Variants in ASIC2 observed in about 807,000 individuals in gnomAD.
ASIC2 encodes acid sensing ion channel subunit 2, also known as acid-sensing ion channel 2.
ASIC2 carries 25 observed loss-of-function variants against 57.3 expected under a neutral mutation model. The ratio of observed to expected loss-of-function variants is 0.44; its 90% CI spans 0.32 to 0.61. The LOEUF (loss-of-function observed/expected upper bound fraction) is 0.61, where lower values mean the gene tolerates loss of function less well. ASIC2 is among the 20% of genes least tolerant of loss of function. The pLI is 0.06. For synonymous variants in ASIC2, 319 were observed against 307.5 expected (o/e 1.04, Z -0.39); for missense variants, 641 against 738.1 (o/e 0.87, Z 1.52).
intron 1 of ASIC2, among the ~76,000 whole-genome samples, chr17:33,995,297 G>A (rs1172207525): frequency 6.6e-6 from 1 of 152,116 alleles, no homozygotes; most frequent in Non-Finnish European, 1.5e-5. Flanking sequence ...CCCTTTTCCT[G>A]TCCTCAACAC....
chr17:33,223,732 G>A (rs1015359160), intron 1 of ASIC2, among the ~76,000 whole-genome samples: 9 of 152,182 alleles, frequency 5.9e-5, no homozygotes, highest in Non-Finnish European at 1.3e-4. Flanking sequence ...CCACCATTAC[G>A]GCTCTCTTAG....
chr17:33,029,898 T>G (rs778762102), intron 3 of ASIC2, among the ~76,000 whole-genome samples: 3 of 152,240 alleles, frequency 2.0e-5, no homozygotes, highest in Non-Finnish European at 4.4e-5. Context: ...CAATTTTATG[T>G]GTTTGTTGGT....
chr17:33,588,870 T>A (rs980182034), intron 1 of ASIC2, among the ~76,000 whole-genome samples: 1 of 152,214 alleles, frequency 6.6e-6, no homozygotes, highest in Non-Finnish European at 1.5e-5. Flanking sequence ...GTTAGTAAAC[T>A]GTGTATCATT....
At chr17:33,188,380 GGA>G (rs1906284732) in intron 1 of ASIC2, among the ~76,000 whole-genome samples, 1 of 151,868 alleles carries the variant, frequency 6.6e-6, no homozygotes, top group Non-Finnish European at 1.5e-5. Flanking sequence ...AGAAGGGAAG[GGA>G]GAGAAAAATA....
intron 1 of ASIC2, among the ~76,000 whole-genome samples, chr17:33,136,833 A>C (rs1042110492): frequency 6.6e-6 from 1 of 152,198 alleles, no homozygotes; most frequent in African/African-American, 2.4e-5. Context: ...CATGGATTCT[A>C]TTCCCAGTCC....
At chr17:33,894,366 T>A (rs879398137) in intron 1 of ASIC2, among the ~76,000 whole-genome samples, 3 of 151,000 alleles carry the variant, frequency 2.0e-5, no homozygotes, top group Non-Finnish European at 4.4e-5. Flanking sequence ...TGTGTGTGTG[T>A]GTGTGTGTGT....
intron 1 of ASIC2, among the ~76,000 whole-genome samples, chr17:33,510,442 T>C (rs1914396616): frequency 6.6e-6 from 1 of 151,930 alleles, no homozygotes; most frequent in Non-Finnish European, 1.5e-5. Context: ...GGCTTGAGAA[T>C]AGGAGTTTGA....
At chr17:33,055,105 A>T (rs372843483) in intron 3 of ASIC2, among the ~76,000 whole-genome samples, 1 of 152,198 alleles carries the variant, frequency 6.6e-6, no homozygotes, top group Non-Finnish European at 1.5e-5. Flanking sequence ...AATGCAGGAC[A>T]GTCTGTTGTA....
chr17:34,065,182 A>C (rs764072721), intron 1 of ASIC2, among the ~76,000 whole-genome samples: 7 of 152,230 alleles, frequency 4.6e-5, no homozygotes. Context: ...TATGTGATGG[A>C]ATAGTACTCA....
At chr17:33,281,972 T>C (rs1403738833) in intron 1 of ASIC2, among the ~76,000 whole-genome samples, 1 of 152,232 alleles carries the variant, frequency 6.6e-6, no homozygotes, top group Middle Eastern at 3.2e-3. Flanking sequence ...AAATTCCCAA[T>C]CTTGCATTAT....
chr17:33,604,642 AG>A (rs1307505257), intron 1 of ASIC2, among the ~76,000 whole-genome samples: 1 of 152,036 alleles, frequency 6.6e-6, no homozygotes, highest in Non-Finnish European at 1.5e-5. Context: ...GAAAGAGGCG[AG>A]GGGGTTAGAT....
At chr17:33,562,123 A>G (rs1916090961) in intron 1 of ASIC2, among the ~76,000 whole-genome samples, 1 of 152,228 alleles carries the variant, frequency 6.6e-6, no homozygotes, top group African/African-American at 2.4e-5. Flanking sequence ...ACTCAGCTCA[A>G]AGGCCGCTTC....
intron 1 of ASIC2, among the ~76,000 whole-genome samples, chr17:33,472,336 A>G (rs1913082055): frequency 6.6e-6 from 1 of 152,086 alleles, no homozygotes; most frequent in Non-Finnish European, 1.5e-5. Context: ...GGGACTTTTT[A>G]ACAGGGATTG....
At chr17:33,509,649 T>C (rs996563649) in intron 1 of ASIC2, among the ~76,000 whole-genome samples, 3 of 152,214 alleles carry the variant, frequency 2.0e-5, no homozygotes, top group Admixed American at 6.5e-5. Context: ...GGCCGGCAAG[T>C]CAGGCCCCGC....
At chr17:34,130,343 C>T (rs1911915139) in intron 1 of ASIC2, among the ~76,000 whole-genome samples, 1 of 152,226 alleles carries the variant, frequency 6.6e-6, no homozygotes, top group African/African-American at 2.4e-5. Flanking sequence ...TCAACTACTG[C>T]TTTCCTCCTC....
At chr17:33,167,241 C>A (rs1028302345) in intron 1 of ASIC2, among the ~76,000 whole-genome samples, 6 of 152,148 alleles carry the variant, frequency 3.9e-5, no homozygotes, top group Admixed American at 3.9e-4. Context: ...CTCCTACTTG[C>A]CACTTCTCTT....
At chr17:33,036,145 A>G (rs149998634) in intron 3 of ASIC2, among the ~76,000 whole-genome samples, 2,242 of 152,310 alleles carry the variant, frequency 0.015, 64 homozygotes, top group African/African-American at 0.047. Context: ...TAGCTTCTCC[A>G]CCATTACTGA....
At chr17:33,726,841 C>T (rs935660070) in intron 1 of ASIC2, among the ~76,000 whole-genome samples, 1 of 152,190 alleles carries the variant, frequency 6.6e-6, no homozygotes, top group Admixed American at 6.5e-5. Context: ...TCCTTCTGAT[C>T]TGATTATAGA....
intron 3 of ASIC2, among the ~76,000 whole-genome samples, chr17:33,080,875 C>T (rs1041904951): frequency 3.3e-5 from 5 of 152,214 alleles, no homozygotes; most frequent in East Asian, 1.9e-4. Flanking sequence ...GATTTCATCA[C>T]GCTGTTCAGA....
Sources: allele counts gnomAD v4.1 joint callset (sites outside exome capture counted in the v4.1 genomes callset), GRCh38; gene constraint gnomAD v4.1.1; transcripts MANE v1.5; gene names NCBI Gene and HGNC (gene_info 2026-07-23, HGNC 2026-07-21).